The following OR10G3 variants were observed in gnomAD, a reference collection of about 807,000 sequenced individuals.
OR10G3 encodes the protein olfactory receptor 10G3.
A neutral mutation model predicts 13.4 loss-of-function variants in OR10G3; 8 were observed. The observed-to-expected ratio is 0.60, with a 90% CI of 0.35 to 1.08. The LOEUF (loss-of-function observed/expected upper bound fraction) is 1.08. Ranked by LOEUF, OR10G3 falls within the 50% of genes least tolerant of loss-of-function variation. The pLI is 0.02. For missense variants in OR10G3, 393 were observed against 386.6 expected (o/e 1.02, Z -0.14); for synonymous variants, 142 against 156.1 (o/e 0.91, Z 0.67).
At chr14:21,578,848 TA>T (rs1424794939) in intron 1 of OR10G3, among the ~76,000 whole-genome samples, 25 of 152,136 alleles carry the variant, frequency 1.6e-4, no homozygotes, top group African/African-American at 5.8e-4. Flanking sequence ...AATATATACA[TA>T]TATAATATGA....
chr14:21,578,653 A>G (rs1325175382), intron 1 of OR10G3, among the ~76,000 whole-genome samples: 1 of 152,088 alleles, frequency 6.6e-6, no homozygotes, highest in Non-Finnish European at 1.5e-5. Context: ...CATCTTTCAA[A>G]TGGCCATGAA....
Position 21,569,970 on chromosome 14 carries a change from T to G in OR10G3, c.775A>C (p.Ile259Leu). 1 of 1,612,888 alleles carries G rather than the reference T, an allele frequency of 6.2e-7. No homozygotes were observed. Among genetic ancestry groups the G allele is most frequent in the East Asian group, 2.2e-5 (1 of 44,846 alleles). Residue 259 changes from isoleucine to leucine, a missense_variant, in exon 2 of 2, where the codon ATC becomes CTC. Transcript: ENST00000641040. ...VTVYYVPCAF[I>L]YLRPETNSPL... is the part of the protein sequence containing the mutation. ...CTGTTGGTTTCAGGCCTCAGGTAGA[T>G]GAAGGCACAGGGCACATAGTACACG...
In OR10G3 at chr14:21,568,936, G is replaced by T. The variant is rs974073147; in HGVS notation, c.*867C>A. On this transcript the variant is annotated 3_prime_UTR_variant, in exon 2 of 2. Coordinates refer to ENST00000641040, the MANE Select transcript of OR10G3 (RefSeq NM_001005465.2). ...ACCGTGGTCTCGATCTCCTGACCTCGTGATCCGCTTGCCTCAGCATCCCAA... is the reference window on the plus strand; with the variant it reads ...ACCGTGGTCTCGATCTCCTGACCTCTTGATCCGCTTGCCTCAGCATCCCAA... 3 of 151,606 alleles carry T rather than the reference G, an allele frequency of 2.0e-5. No individual in the cohort carries two copies. The South Asian group carries it at 6.2e-4, about 32-fold the overall frequency. The allele number at this position is 151,606 out of a possible 1,614,324, so 9.4% of individuals were successfully genotyped here. A position where few individuals can be genotyped will look rare whatever the true frequency, so the allele number is the denominator to read the frequency against.
chr14:21,570,817 A>G (rs1297164297), intron 1 of OR10G3, 56 bp from the exon 2 acceptor site: 1 of 1,007,886 alleles, frequency 9.9e-7, no homozygotes, highest in Non-Finnish European at 1.4e-6. Context: ...GTGAGGGGGA[A>G]CTAGAAAGAG....
In OR10G3 at chr14:21,570,300, C is replaced by A; in HGVS notation, c.445G>T (p.Ala149Ser). 6.2e-7 allele frequency: 1 copy of A among 1,614,192 alleles called. No individual in the cohort carries two copies. Among genetic ancestry groups the A allele is most frequent in the Non-Finnish European group, 8.5e-7 (1 of 1,180,028 alleles). The change falls in exon 2 of 2, where the codon GCC (alanine) becomes TCC (serine). Residue 149 changes from alanine (A) to serine (S), a missense_variant. Transcript: ENST00000641040. ...AKLSALLVAG[A>S]WMAGSIHGAL... ...CCATGGATGGATCCTGCCATCCAGG[C>A]TCCAGCCACAAGCAAGGCGCTCAGC...
At chr14:21,572,453 C>T (rs970215114) in intron 1 of OR10G3, among the ~76,000 whole-genome samples, 1 of 150,720 alleles carries the variant, frequency 6.6e-6, no homozygotes, top group Non-Finnish European at 1.5e-5. Context: ...AAAAATTAGC[C>T]AGGTGTGGTC....
At chr14:21,578,539 C>G (rs1165251165) in intron 1 of OR10G3, among the ~76,000 whole-genome samples, 1 of 151,860 alleles carries the variant, frequency 6.6e-6, no homozygotes, top group Non-Finnish European at 1.5e-5. Context: ...TTTGAGCAAC[C>G]AAGGAGATTA....
intron 1 of OR10G3, among the ~76,000 whole-genome samples, chr14:21,572,608 C>CAAAAAAAAAAAAAAAAAA (rs397852312): frequency 1.8e-5 from 2 of 110,508 alleles, no homozygotes; most frequent in African/African-American, 7.0e-5. Context: ...AACAAACAAA[C>CAAAAAAAAAAAAAAAAAA]AAAAAAAAAA....
At chr14:21,578,569 C>T (rs1876813139) in intron 1 of OR10G3, among the ~76,000 whole-genome samples, 1 of 151,942 alleles carries the variant, frequency 6.6e-6, no homozygotes, top group African/African-American at 2.4e-5. Context: ...TCTAATGAGG[C>T]GAAGGGCACA....
chr14:21,575,499 G>A (rs1893118085), intron 1 of OR10G3, among the ~76,000 whole-genome samples: 1 of 151,942 alleles, frequency 6.6e-6, no homozygotes, highest in Non-Finnish European at 1.5e-5. Flanking sequence ...TCCTGCCTTA[G>A]CCTCCTGAGT....
chr14:21,577,196 A>C (rs1243934867), intron 1 of OR10G3, among the ~76,000 whole-genome samples: 1 of 152,152 alleles, frequency 6.6e-6, no homozygotes, highest in Admixed American at 6.5e-5. Flanking sequence ...AGAGAGAGAG[A>C]GAGAGAGATA....
intron 1 of OR10G3, among the ~76,000 whole-genome samples, chr14:21,578,707 G>A (rs1226838399): frequency 2.0e-5 from 3 of 149,306 alleles, no homozygotes; most frequent in Non-Finnish European, 4.5e-5. Flanking sequence ...TCGACTCAAA[G>A]CACACTTTTT....
chr14:21,572,441 A>G (rs2139711763), intron 1 of OR10G3, among the ~76,000 whole-genome samples: 1 of 151,292 alleles, frequency 6.6e-6, no homozygotes, highest in East Asian at 1.9e-4. Context: ...TACTAAAAAT[A>G]CAAAAATTAG....
intron 1 of OR10G3, among the ~76,000 whole-genome samples, chr14:21,573,959 T>C (rs1341632264): frequency 6.6e-6 from 1 of 152,032 alleles, no homozygotes; most frequent in Non-Finnish European, 1.5e-5. Context: ...TTGATGAAAA[T>C]TTTTACTGAA....
At chr14:21,574,605 C>T (rs1249057269) in intron 1 of OR10G3, among the ~76,000 whole-genome samples, 2 of 152,068 alleles carry the variant, frequency 1.3e-5, no homozygotes, top group Non-Finnish European at 2.9e-5. Flanking sequence ...AGGTTGCCAT[C>T]ATAATGGATC....
chr14:21,572,314 A>AAAAAAAAAAC (rs1893079754), intron 1 of OR10G3, among the ~76,000 whole-genome samples: 1 of 138,048 alleles, frequency 7.2e-6, no homozygotes, highest in African/African-American at 2.7e-5. Flanking sequence ...AAAAAAAAAA[A>AAAAAAAAAAC]AAGGCCAGGT....
At chr14:21,571,667 C>T (rs1040860811) in intron 1 of OR10G3, among the ~76,000 whole-genome samples, 2 of 147,862 alleles carry the variant, frequency 1.4e-5, no homozygotes, top group African/African-American at 5.0e-5. Flanking sequence ...TAGTCCAACT[C>T]CTTGATTCGC....
chr14:21,577,963 T>C (rs1434030906), intron 1 of OR10G3, among the ~76,000 whole-genome samples: 2 of 152,044 alleles, frequency 1.3e-5, no homozygotes, highest in Non-Finnish European at 2.9e-5. Context: ...GAGCACACCA[T>C]TGCGTTCCAG....
chr14:21,578,992 T>C (rs1876825974), intron 1 of OR10G3, among the ~76,000 whole-genome samples: 1 of 152,214 alleles, frequency 6.6e-6, no homozygotes, highest in African/African-American at 2.4e-5. Flanking sequence ...GCTTTACTCA[T>C]GTCCATTTTT....
Sources: allele counts gnomAD v4.1 joint callset (sites outside exome capture counted in the v4.1 genomes callset), GRCh38; gene constraint gnomAD v4.1.1; transcripts MANE v1.5; gene names NCBI Gene and HGNC (gene_info 2026-07-23, HGNC 2026-07-21).